The following MYH2 variants were observed in gnomAD, a reference collection of about 807,000 sequenced individuals.
MYH2 encodes the protein myosin-2.
A neutral mutation model predicts 228.1 loss-of-function variants in MYH2; 139 were observed. The ratio of observed to expected loss-of-function variants is 0.61; its 90% CI spans 0.53 to 0.70. The LOEUF (loss-of-function observed/expected upper bound fraction) is 0.70, where lower values mean the gene tolerates loss of function less well. MYH2 is among the 30% of genes least tolerant of loss of function. The probability of loss-of-function intolerance (pLI) is 0.00; values close to 1 mark genes in which losing one functional copy is unlikely to be tolerated. For missense variants in MYH2, 1,809 were observed against 2,357.5 expected (o/e 0.77, Z 4.82); for synonymous variants, 796 against 871.1 (o/e 0.91, Z 1.52).
intron 14 of MYH2, among the ~76,000 whole-genome samples, chr17:10,538,290 CT>C (rs2073506505): frequency 6.6e-6 from 1 of 151,012 alleles, no homozygotes; most frequent in Admixed American, 6.6e-5. Flanking sequence ...TTTGCCACCC[CT>C]GTTATTCTTT....
rs367876733 is a variant in MYH2 at position 10,547,426 on chromosome 17, G to C, written c.348+49C>G. The C allele has an allele frequency of 2.5e-6, 4 of 1,608,522 alleles. No individual in the cohort carries two copies. In the African/African-American group the frequency reaches 4.0e-5, roughly 16 times the overall value. ...TATGCTCAGTGGAAGAAGCAGGATG[G>C]TAGGGTACATGAGGATGATTATACA... On this transcript the variant is annotated intron_variant, in intron 4 of 39. Transcript: ENST00000245503.
rs369676096 is a variant in MYH2 at position 10,546,330 on chromosome 17, A to G, written c.349-828T>C. Among the ~76,000 whole-genome samples, 262 of 142,166 alleles carry G rather than the reference A, an allele frequency of 1.8e-3. 1 individual carries two copies. Among genetic ancestry groups the G allele is most frequent in the African/African-American group, 6.6e-3 (252 of 38,074 alleles). 93.3% of individuals were successfully genotyped at this position (142,166 alleles called of 152,430 possible). A position where few individuals can be genotyped will look rare whatever the true frequency, so the allele number is the denominator to read the frequency against. On this transcript the variant is annotated intron_variant, in intron 4 of 39. Transcript: ENST00000245503. Reference sequence around the variant, plus strand: ...AGGGGGATTTAAAAAATCTTTGACAATTGGTTCAAGACAAGCACCAACTAG... The same window carrying G: ...AGGGGGATTTAAAAAATCTTTGACAGTTGGTTCAAGACAAGCACCAACTAG...
intron 22 of MYH2, 101 bp downstream of exon 22, chr17:10,531,532 T>C (rs138017232): frequency 6.6e-7 from 1 of 1,522,524 alleles, no homozygotes; most frequent in Admixed American, 1.7e-5. Flanking sequence ...TTCCTTCCAA[T>C]GAGTGTCTCC....
rs1487300089 is a variant in MYH2, at chr17:10,526,927, A to C, written c.3990+11T>G. On this transcript the variant is annotated intron_variant, in intron 29 of 39. Coordinates refer to ENST00000245503, the MANE Select transcript of MYH2 (RefSeq NM_017534.6). ...CATGAGGGAAAAAATCAGTCTTAGA[A>C]TCATAATTACTTTTATCTCCTCTTC... is the stretch of plus-strand genomic sequence containing the variant. 6.2e-7 allele frequency: 1 copy of C among 1,613,672 alleles called. No homozygotes were observed. Among genetic ancestry groups the C allele is most frequent in the South Asian group, 1.1e-5 (1 of 91,070 alleles).
At chr17:10,532,080 A>C (rs1597452219) in intron 21 of MYH2, among the ~76,000 whole-genome samples, 192 bp from the exon 22 acceptor site, 1 of 152,186 alleles carries the variant, frequency 6.6e-6, no homozygotes, top group East Asian at 1.9e-4. Flanking sequence ...ACTGCTTCTC[A>C]AACTTTGGCA....
rs148270782 is a variant in MYH2, at chr17:10,539,461, C to T, written c.1249G>A (p.Gly417Ser). The T allele has an allele frequency of 5.4e-5, 87 of 1,614,028 alleles. No homozygotes were observed. Among genetic ancestry groups the T allele is most frequent in the Non-Finnish European group, 6.8e-5 (80 of 1,180,014 alleles). The change falls in exon 13 of 40, where the codon GGC (glycine) becomes AGC (serine). Residue 417 changes from glycine (G) to serine (S), a missense_variant. By Grantham distance (56) the Gly-to-Ser change is moderately conservative. Around this residue, in one of 9 missense-constraint regions of MYH2, gnomAD observed 373 missense variants for 620.4 expected, o/e 0.60. Coordinates refer to ENST00000245503, the MANE Select transcript of MYH2 (RefSeq NM_017534.6). ...VKVGNEYVTK[G>S]QTVEQVSNAV... ...GCACCTACCTGTTCTACAGTCTGGC[C>T]TTTGGTGACATACTCATTGCCGACC...
At position 10,547,697 on chromosome 17, in the gene MYH2, G is replaced by A. The variant is rs370380696; in HGVS notation, c.204+20C>T. On this transcript the variant is annotated intron_variant, in intron 3 of 39. Coordinates refer to ENST00000245503, the MANE Select transcript of MYH2 (RefSeq NM_017534.6). ...AACAAAAATCAATAAAATGTGGCAA[G>A]CTCCTGGGATTCTACTCACCGCTCC... 1.7e-5 allele frequency: 28 copies of A among 1,614,068 alleles called. No individual in the cohort carries two copies. The highest frequency in any genetic ancestry group is 2.7e-5 in the African/African-American group (2 of 74,936).
rs150018546 is a variant in MYH2 at position 10,529,700 on chromosome 17, G to A, written c.2981C>T (p.Thr994Ile). ...CTTCTCCTTGGTCAGCTTAGCAATG[G>A]TTTCATCCAGACCTGCCATCTCTTC... Reference protein sequence around the residue: ...LTEEMAGLDETIAKLTKEKKA... With the variant: ...LTEEMAGLDEIIAKLTKEKKA... The change falls in exon 24 of 40, where the codon ACC becomes ATC. Residue 994 changes from threonine to isoleucine, a missense_variant. Physicochemically the swap from Thr to Ile is moderately conservative, Grantham distance 89 (BLOSUM62 -1). Around this residue, in one of 9 missense-constraint regions of MYH2, gnomAD observed 636 missense variants for 729.9 expected, o/e 0.87. Transcript: ENST00000245503. 5.6e-6 allele frequency: 9 copies of A among 1,613,900 alleles called. No homozygotes were observed. The African/African-American group carries it at 8.0e-5, about 14-fold the overall frequency.
chr17:10,549,165 C>T (rs1401527764), intron 2 of MYH2, among the ~76,000 whole-genome samples: 3 of 152,208 alleles, frequency 2.0e-5, no homozygotes, highest in Non-Finnish European at 4.4e-5. Context: ...TTCCCCTGCT[C>T]AAATGTCACC....
At position 10,525,791 on chromosome 17, in the gene MYH2, G is replaced by A; in HGVS notation, c.4273C>T (p.Gln1425Ter). The change falls in exon 31 of 40, where the codon CAG becomes TAG. Residue 1425 changes from glutamine to a stop codon, truncating the protein, a stop_gained. Coordinates refer to ENST00000245503, the MANE Select transcript of MYH2 (RefSeq NM_017534.6). LOFTEE classifies it high-confidence loss of function. This position sits in a 1 kb window ranked among gnomAD's most constrained non-coding sequence, Gnocchi z 4.2. ...TCCTCGACCTCATTCTGCAGCCGCTGCTTCGTCTTTTCGAGGGAAGCACAT... is the reference window on the plus strand; with the variant it reads ...TCCTCGACCTCATTCTGCAGCCGCTACTTCGTCTTTTCGAGGGAAGCACAT... Reference protein sequence around the residue: ...AKCASLEKTKQRLQNEVEDLM... With the variant: ...AKCASLEKTK 1 of 1,614,202 alleles carries A rather than the reference G, an allele frequency of 6.2e-7. No individual in the cohort carries two copies. The highest frequency in any genetic ancestry group is 8.5e-7 in the Non-Finnish European group (1 of 1,180,034).
Position 10,547,710 on chromosome 17 carries a change from T to C in MYH2, c.204+7A>G. 6.2e-7 allele frequency: 1 copy of C among 1,614,228 alleles called. No individual in the cohort carries two copies. The highest frequency in any genetic ancestry group is 8.5e-7 in the Non-Finnish European group (1 of 1,180,042). ...AAAATGTGGCAAGCTCCTGGGATTC[T>C]ACTCACCGCTCCTCCCTCAGTCTTC... On this transcript the variant is annotated splice_region_variant and intron_variant, in intron 3 of 39. Coordinates refer to ENST00000245503, the MANE Select transcript of MYH2 (RefSeq NM_017534.6).
rs1555569921 is a variant in MYH2 at position 10,525,380 on chromosome 17, T to C, written c.4538-32A>G. ...TTTGAGTAAAAGACAGGTAGGGATT[T>C]GGTTAAACATGTGACATAAGGGAGA... On this transcript the variant is annotated intron_variant, in intron 32 of 39. Coordinates refer to ENST00000245503, the MANE Select transcript of MYH2 (RefSeq NM_017534.6). This position sits in a 1 kb window ranked among gnomAD's most constrained non-coding sequence, Gnocchi z 4.2. 6.2e-7 allele frequency: 1 copy of C among 1,614,188 alleles called. No homozygotes were observed. The highest frequency in any genetic ancestry group is 1.1e-5 in the South Asian group (1 of 91,080).
Position 10,529,061 on chromosome 17 carries a change from C to G in MYH2, c.3373G>C (p.Glu1125Gln). ...KELQARIEEL[E>Q]EEIEAERASR... ...GCCCGCTCTGCCTCGATTTCCTCCT[C>G]CAGCTCCTCAATGCGGGCCTGGGAA... The change falls in exon 27 of 40, where the codon GAG becomes CAG. Residue 1125 changes from glutamate (E) to glutamine (Q), a missense_variant. Transcript: ENST00000245503. 6.2e-7 allele frequency: 1 copy of G among 1,614,246 alleles called. No individual in the cohort carries two copies. The highest frequency in any genetic ancestry group is 8.5e-7 in the Non-Finnish European group (1 of 1,180,050).
intron 14 of MYH2, among the ~76,000 whole-genome samples, chr17:10,538,534 A>G (rs1012924271): frequency 2.0e-5 from 3 of 151,602 alleles, no homozygotes; most frequent in African/African-American, 4.8e-5. Context: ...AGTCCCAGCT[A>G]TTCGGGAGGC....
chr17:10,523,837 G>A lies in MYH2; in HGVS notation c.5223C>T (p.Ser1741=). 6.2e-7 allele frequency: 1 copy of A among 1,613,936 alleles called. No homozygotes were observed. Among genetic ancestry groups the A allele is most frequent in the Non-Finnish European group, 8.5e-7 (1 of 1,179,916 alleles). Residue 1741 remains serine, a synonymous_variant, in exon 36 of 40, where the codon TCC becomes TCT. Coordinates refer to ENST00000245503, the MANE Select transcript of MYH2 (RefSeq NM_017534.6). ...NTKKKLETDI[S]QMQGEMEDIL... ...TGTCCTCCATCTCTCCTTGCATTTG[G>A]GAAATATCTGTCTCCAGCTTCTTCT...
Position 10,535,207 on chromosome 17 carries a change from A to G in MYH2, c.2063-17T>C. 6.2e-7 allele frequency: 1 copy of G among 1,614,060 alleles called. No homozygotes were observed. Among genetic ancestry groups the G allele is most frequent in the Non-Finnish European group, 8.5e-7 (1 of 1,179,966 alleles). ...CCATGGCACCTAAAAATGCATATTT[A>G]TTTCACTGCAGAGCTGTTGAAAAGG... On this transcript the variant is annotated splice_polypyrimidine_tract_variant and intron_variant, in intron 18 of 39. Transcript: ENST00000245503.
chr17:10,529,110 T>G lies in MYH2; in HGVS notation c.3355-31A>C, dbSNP rs147207041. 9.1e-4 allele frequency: 1,470 copies of G among 1,614,186 alleles called. 16 individuals are homozygous for G. The African/African-American group carries it at 0.018, about 19-fold the overall frequency. ...AATGGTGGAAAATACAAACTCAGCTTCTTTGTGTCATAACTGCCTCCGAGC... is the reference window on the plus strand; with the variant it reads ...AATGGTGGAAAATACAAACTCAGCTGCTTTGTGTCATAACTGCCTCCGAGC... On this transcript the variant is annotated intron_variant, in intron 26 of 39. Transcript: ENST00000245503.
rs369618095 is a variant in MYH2 at position 10,535,127 on chromosome 17, C to A, written c.2126G>T (p.Arg709Leu). The A allele has an allele frequency of 1.9e-6, 3 of 1,614,118 alleles. No individual in the cohort carries two copies. The highest frequency in any genetic ancestry group is 2.5e-6 in the Non-Finnish European group (3 of 1,180,006). Residue 709 changes from arginine (R) to leucine (L), a missense_variant, in exon 19 of 40, where the codon CGC becomes CTC. By Grantham distance (102) the Arg-to-Leu change is moderately radical. Around this residue, in one of 9 missense-constraint regions of MYH2, gnomAD observed 276 missense variants for 344.2 expected, o/e 0.80. Transcript: ENST00000245503. ...GCTTGGAAATCCTTTCCTACAGATG[C>A]GGATGCCTTCCAGCACACCGTTACA... ...LRCNGVLEGI[R>L]ICRKGFPSRI...
chr17:10,530,136 A>AGT (rs2073408330), intron 22 of MYH2, 62 bp from the exon 23 acceptor site: 2 of 1,611,524 alleles, frequency 1.2e-6, no homozygotes, highest in Admixed American at 3.3e-5. Context: ...AATGGATAAG[A>AGT]GTGTATGTTT....
Sources: allele counts gnomAD v4.1 joint callset (sites outside exome capture counted in the v4.1 genomes callset), GRCh38; gene constraint gnomAD v4.1.1; regional missense constraint gnomAD v4.1.1; non-coding constraint Gnocchi (gnomAD v3.1); transcripts MANE v1.5; gene names NCBI Gene and HGNC (gene_info 2026-07-23, HGNC 2026-07-21).